Variants in NFIB observed in about 807,000 individuals in gnomAD.
The protein encoded by NFIB is nuclear factor 1 B-type.
Under a neutral mutation model 61.5 loss-of-function variants are expected in NFIB, and 11 were observed. That is an observed-to-expected ratio of 0.18 (90% CI 0.11 to 0.30). The LOEUF is 0.30. Among genes scored for constraint, NFIB ranks in the 10% least tolerant of loss-of-function variants. The probability of loss-of-function intolerance (pLI) is 1.00; values close to 1 mark genes in which losing one functional copy is unlikely to be tolerated. For missense variants in NFIB, 471 were observed against 608.9 expected, an observed-to-expected ratio of 0.77 and a Z score of 2.38; for synonymous variants, 260 against 216.5, an observed-to-expected ratio of 1.20 and a Z score of -1.76.
At chr9:14,237,553 A>T (rs951145047) in intron 2 of NFIB, among the ~76,000 whole-genome samples, 2 of 152,148 alleles carry the variant, frequency 1.3e-5, no homozygotes, top group African/African-American at 4.8e-5. Context: ...ATTACTACTC[A>T]TTATTAATCA....
At chr9:14,160,831 CAAAA>C (rs36063048) in intron 3 of NFIB, among the ~76,000 whole-genome samples, 2 of 96,330 alleles carry the variant, frequency 2.1e-5, no homozygotes, top group African/African-American at 4.1e-5. Flanking sequence ...AAGGAAATCT[CAAAA>C]AAAAAAAAAA....
At chr9:14,254,131 A>C (rs2055954761) in intron 2 of NFIB, among the ~76,000 whole-genome samples, 2 of 152,008 alleles carry the variant, frequency 1.3e-5, no homozygotes. Context: ...GCAAAACCCC[A>C]TTCTAGTAAA....
chr9:14,296,310 C>T (rs900237291), intron 2 of NFIB, among the ~76,000 whole-genome samples: 1 of 152,176 alleles, frequency 6.6e-6, no homozygotes, highest in East Asian at 1.9e-4. Flanking sequence ...GCATTTTAAT[C>T]CTCGATTTAC....
chr9:14,121,240 G>GT (rs1461133414), intron 7 of NFIB, among the ~76,000 whole-genome samples: 33 of 152,318 alleles, frequency 2.2e-4, no homozygotes, highest in African/African-American at 7.5e-4. Flanking sequence ...CTCCAACCTG[G>GT]TGACAGAACC....
At chr9:14,302,123 C>T (rs536273289) in intron 2 of NFIB, among the ~76,000 whole-genome samples, 70 of 152,296 alleles carry the variant, frequency 4.6e-4, no homozygotes, top group African/African-American at 1.6e-3. Context: ...ATTATGAAAG[C>T]TTATTTTTTC....
At chr9:14,427,211 A>G in the NFIB span, among the ~76,000 whole-genome samples, 1 of 152,292 alleles carries the variant, frequency 6.6e-6, no homozygotes, top group South Asian at 2.1e-4. Flanking sequence ...AAGATAATAC[A>G]TTGTTCATTC....
At chr9:14,179,270 A>T in intron 3 of NFIB, among the ~76,000 whole-genome samples, 1 of 152,134 alleles carries the variant, frequency 6.6e-6, no homozygotes, top group Non-Finnish European at 1.5e-5. Flanking sequence ...AACTTTATGG[A>T]ATAAAAAGTC....
chr9:14,372,090 A>G (rs557081312), intron 1 of NFIB, among the ~76,000 whole-genome samples: 1 of 152,188 alleles, frequency 6.6e-6, no homozygotes, highest in South Asian at 2.1e-4. Context: ...GCACCATCTG[A>G]ATGTCAGCCC....
chr9:14,388,295 A>G (rs2061573388), intron 1 of NFIB, among the ~76,000 whole-genome samples: 2 of 151,858 alleles, frequency 1.3e-5, no homozygotes, highest in Non-Finnish European at 2.9e-5. Flanking sequence ...GGATTAATTG[A>G]GCCTGGGAGG....
intron 6 of NFIB, among the ~76,000 whole-genome samples, chr9:14,141,609 C>T (rs73642096): frequency 2.6e-5 from 4 of 151,838 alleles, no homozygotes; most frequent in Non-Finnish European, 4.4e-5. Flanking sequence ...TATTTGTGTA[C>T]CCAATGCCTA....
chr9:14,503,836 T>A, the NFIB span, among the ~76,000 whole-genome samples: 1 of 152,202 alleles, frequency 6.6e-6, no homozygotes, highest in Non-Finnish European at 1.5e-5. Context: ...TTAAGTCCCA[T>A]CTATTTATCT....
chr9:14,462,536 C>CTGGG, the NFIB span, among the ~76,000 whole-genome samples: 1 of 152,224 alleles, frequency 6.6e-6, no homozygotes, highest in East Asian at 1.9e-4. Context: ...CCCGCCTCGG[C>CTGGG]CTCCCAAAGT....
At chr9:14,364,333 C>T (rs961587572) in intron 1 of NFIB, among the ~76,000 whole-genome samples, 4 of 152,136 alleles carry the variant, frequency 2.6e-5, no homozygotes, top group African/African-American at 9.7e-5. Context: ...ACGAAGAGAT[C>T]AAAAGTCTCT....
the NFIB span, among the ~76,000 whole-genome samples, chr9:14,491,351 T>C: frequency 6.6e-6 from 1 of 152,040 alleles, no homozygotes; most frequent in Non-Finnish European, 1.5e-5. Flanking sequence ...AGGGAACACA[T>C]AAACTGAGGA....
intron 2 of NFIB, among the ~76,000 whole-genome samples, chr9:14,200,209 A>G (rs776392311): frequency 1.6e-4 from 25 of 152,196 alleles, no homozygotes; most frequent in Non-Finnish European, 3.5e-4. Context: ...CCTCCTTAAA[A>G]TATAGTAGTC....
chr9:14,179,870 G>C, intron 2 of NFIB, 90 bp from the exon 3 acceptor site: 1 of 1,311,982 alleles, frequency 7.6e-7, no homozygotes, highest in Non-Finnish European at 1.1e-6. Flanking sequence ...AAATTTGAAG[G>C]TATAAAAATG....
chr9:14,192,991 T>C (rs1046839815), intron 2 of NFIB, among the ~76,000 whole-genome samples: 1 of 152,116 alleles, frequency 6.6e-6, no homozygotes, highest in Non-Finnish European at 1.5e-5. Context: ...TAAAAACCAA[T>C]AGATTTCACG....
chr9:14,427,203 G>GATA, the NFIB span, among the ~76,000 whole-genome samples: 1 of 152,150 alleles, frequency 6.6e-6, no homozygotes, highest in Admixed American at 6.5e-5. Context: ...TGGAGGCAAA[G>GATA]ATAATACATT....
the NFIB span, among the ~76,000 whole-genome samples, chr9:14,505,732 A>G: frequency 6.6e-6 from 1 of 152,168 alleles, no homozygotes; most frequent in Non-Finnish European, 1.5e-5. Flanking sequence ...CAGGAATGCC[A>G]TGGAGCTGGA....
Sources: gnomAD v4.1 joint callset for allele counts (sites outside exome capture counted in the v4.1 genomes callset) on GRCh38, gnomAD v4.1.1 for gene constraint, MANE v1.5 for transcripts, NCBI Gene and HGNC (gene_info 2026-07-23, HGNC 2026-07-21) for gene names.